Variants in EFR3B observed in about 807,000 individuals in gnomAD.
The protein encoded by EFR3B is EFR3 homolog B.
A neutral mutation model predicts 104.7 loss-of-function variants in EFR3B; 64 were observed. That is an observed-to-expected ratio of 0.61 (90% CI 0.50 to 0.75). The LOEUF is 0.75. Among genes scored for constraint, EFR3B ranks in the 30% least tolerant of loss-of-function variants. The probability of loss-of-function intolerance (pLI) is 0.00; values close to 1 mark genes in which losing one functional copy is unlikely to be tolerated. For synonymous variants in EFR3B, 385 were observed against 417.9 expected (o/e 0.92, Z 0.96); for missense variants, 750 against 1,078.5 (o/e 0.70, Z 4.27).
At chr2:25,076,765 C>A (rs1273336900) in intron 1 of EFR3B, among the ~76,000 whole-genome samples, 1 of 152,148 alleles carries the variant, frequency 6.6e-6, no homozygotes, top group Non-Finnish European at 1.5e-5. Context: ...TTTAAATCCC[C>A]ATCCTCAATT....
At chr2:25,109,275 G>T (rs770782469) in intron 4 of EFR3B, among the ~76,000 whole-genome samples, 1 of 151,770 alleles carries the variant, frequency 6.6e-6, no homozygotes, top group East Asian at 1.9e-4. Flanking sequence ...CCTTAACATC[G>T]CTAATCATTA....
intron 4 of EFR3B, among the ~76,000 whole-genome samples, chr2:25,118,272 C>T (rs1299439534): frequency 5.3e-5 from 8 of 152,310 alleles, no homozygotes; most frequent in East Asian, 1.9e-4. Flanking sequence ...TGAGTCACTG[C>T]GCCTGGCTGA....
chr2:25,046,506 C>CTTTTTTTTTTTTTTTTTTTTTT lies in EFR3B; in HGVS notation c.7+4203_7+4204insTTTTTTTTTTTTTTTTTTTTTT, dbSNP rs531667109. On this transcript the variant is annotated intron_variant, in intron 1 of 22. Transcript: ENST00000403714. Reference sequence around the variant, plus strand: ...GCAGGCTCCCCCTGAAGTACAAAGTCTTTTTTTTTTTTTTTTGAGACGGAG... The same window carrying CTTTTTTTTTTTTTTTTTTTTTT: ...GCAGGCTCCCCCTGAAGTACAAAGTCTTTTTTTTTTTTTTTTTTTTTTTTTTTTTTTTTTTTTTGAGACGGAG... Among the ~76,000 whole-genome samples, 10 of 119,112 alleles carry CTTTTTTTTTTTTTTTTTTTTTT rather than the reference C, an allele frequency of 8.4e-5. 2 individuals carry two copies. In the East Asian group the frequency reaches 2.1e-3, roughly 26 times the overall value. 78.1% of individuals were successfully genotyped at this position (119,112 alleles called of 152,430 possible). A position where few individuals can be genotyped will look rare whatever the true frequency, so the allele number is the denominator to read the frequency against.
At chr2:25,065,636 C>T (rs141052329) in intron 1 of EFR3B, among the ~76,000 whole-genome samples, 104 of 152,248 alleles carry the variant, frequency 6.8e-4, no homozygotes, top group African/African-American at 2.2e-3. Flanking sequence ...GGAAGGTCAC[C>T]AGTGCAGGCC....
At chr2:25,127,533 A>G (rs1293037508) in intron 5 of EFR3B, among the ~76,000 whole-genome samples, 1 of 152,202 alleles carries the variant, frequency 6.6e-6, no homozygotes, top group Non-Finnish European at 1.5e-5. Context: ...AGTATGTATT[A>G]TTTTATAACC....
intron 4 of EFR3B, among the ~76,000 whole-genome samples, chr2:25,105,313 T>C (rs1296259673): frequency 6.6e-6 from 1 of 152,078 alleles, no homozygotes; most frequent in Admixed American, 6.6e-5. Context: ...CCACCACACC[T>C]GGCTAATATT....
At chr2:25,124,722 C>T (rs932894341) in intron 5 of EFR3B, among the ~76,000 whole-genome samples, 3 of 95,880 alleles carry the variant, frequency 3.1e-5, no homozygotes, top group Admixed American at 1.5e-4. Context: ...CTGGGCAACA[C>T]AGCGAGACTC....
At chr2:25,057,882 G>A (rs1010677555) in intron 1 of EFR3B, 2 of 151,766 alleles carry the variant, frequency 1.3e-5, no homozygotes, top group Admixed American at 6.6e-5. Flanking sequence ...GCAACCTACA[G>A]AATGGGAGAA....
chr2:25,090,675 C>T (rs956928097), intron 1 of EFR3B, among the ~76,000 whole-genome samples: 9 of 152,176 alleles, frequency 5.9e-5, no homozygotes, highest in African/African-American at 2.2e-4. Context: ...TGTCACACTG[C>T]GTTAAAGATG....
intron 4 of EFR3B, among the ~76,000 whole-genome samples, chr2:25,108,468 ATAT>A (rs1669627571): frequency 6.6e-6 from 1 of 152,218 alleles, no homozygotes; most frequent in South Asian, 2.1e-4. Flanking sequence ...AAACGGTAAA[ATAT>A]TATGAAGATT....
At chr2:25,118,915 C>T (rs916694051) in intron 4 of EFR3B, among the ~76,000 whole-genome samples, 3 of 152,020 alleles carry the variant, frequency 2.0e-5, no homozygotes, top group African/African-American at 7.3e-5. Flanking sequence ...GCTGTAGTCC[C>T]AGCTACTAGG....
intron 1 of EFR3B, among the ~76,000 whole-genome samples, chr2:25,071,116 A>G (rs1213148664): frequency 6.6e-6 from 1 of 151,928 alleles, no homozygotes; most frequent in African/African-American, 2.4e-5. Context: ...ACCCGTCACC[A>G]TGCCCAGCTA....
intron 1 of EFR3B, among the ~76,000 whole-genome samples, chr2:25,045,341 G>C (rs1167218186): frequency 6.6e-6 from 1 of 152,240 alleles, no homozygotes; most frequent in Non-Finnish European, 1.5e-5. Flanking sequence ...AAAGGACACA[G>C]TGACTGCCCA....
chr2:25,116,613 G>A (rs1217967653), intron 4 of EFR3B, among the ~76,000 whole-genome samples: 6 of 151,658 alleles, frequency 4.0e-5, no homozygotes, highest in Admixed American at 3.3e-4. Flanking sequence ...AGCAGGGCGA[G>A]ACTGTCTCAA....
chr2:25,115,205 T>G (rs1669825746), intron 4 of EFR3B, among the ~76,000 whole-genome samples: 2 of 151,856 alleles, frequency 1.3e-5, no homozygotes, highest in African/African-American at 4.8e-5. Context: ...GAAAAGAAAA[T>G]GCAGATACCT....
chr2:25,075,882 A>G (rs1668621448), intron 1 of EFR3B, among the ~76,000 whole-genome samples: 1 of 152,094 alleles, frequency 6.6e-6, no homozygotes, highest in South Asian at 2.1e-4. Flanking sequence ...GTGTTTCCTC[A>G]TGGAGCCTTG....
chr2:25,108,403 T>G (rs755995635), intron 4 of EFR3B, among the ~76,000 whole-genome samples: 1 of 152,182 alleles, frequency 6.6e-6, no homozygotes, highest in Non-Finnish European at 1.5e-5. Flanking sequence ...ATATTAAATC[T>G]GATGATGCCA....
In EFR3B at chr2:25,049,278, G is replaced by A. The variant is rs186121077; in HGVS notation, c.7+6959G>A. On this transcript the variant is annotated intron_variant, in intron 1 of 22. Coordinates refer to ENST00000403714, the MANE Select transcript of EFR3B (RefSeq NM_014971.2). Reference sequence around the variant, plus strand: ...ACTTCTTTGTCTTCTAACTATTTGCGTGTTAGTAAATCGTCATGGGAGTAT... The same window carrying A: ...ACTTCTTTGTCTTCTAACTATTTGCATGTTAGTAAATCGTCATGGGAGTAT... Among the ~76,000 whole-genome samples, 130 of 152,102 alleles carry A rather than the reference G, an allele frequency of 8.5e-4. 1 individual carries two copies. Among genetic ancestry groups the A allele is most frequent in the African/African-American group, 3.0e-3 (126 of 41,504 alleles).
At position 25,133,584 on chromosome 2, in the gene EFR3B, C is replaced by G; in HGVS notation, c.1311+150C>G. 7 of 868,452 alleles carry G rather than the reference C, an allele frequency of 8.1e-6. No individual in the cohort carries two copies. The East Asian group carries it at 1.9e-4, about 23-fold the overall frequency. 53.8% of individuals were successfully genotyped at this position (868,452 alleles called of 1,614,324 possible). A position where few individuals can be genotyped will look rare whatever the true frequency, so the allele number is the denominator to read the frequency against. On this transcript the variant is annotated intron_variant, in intron 12 of 22. Coordinates refer to ENST00000403714, the MANE Select transcript of EFR3B (RefSeq NM_014971.2). ...TGAGTCGGGGCTGAAATCTAGCCTA[C>G]GTTCCACTCACTAGCCAGGCTGGGC...
Sources: allele counts gnomAD v4.1 joint callset (sites outside exome capture counted in the v4.1 genomes callset), GRCh38; gene constraint gnomAD v4.1.1; transcripts MANE v1.5; gene names NCBI Gene and HGNC (gene_info 2026-07-23, HGNC 2026-07-21).